PRDM16: variants seen among roughly 807,000 people sequenced by gnomAD.
PRDM16 encodes the protein histone-lysine N-methyltransferase PRDM16.
A neutral mutation model predicts 110.6 loss-of-function variants in PRDM16; 23 were observed. That is an observed-to-expected ratio of 0.21 (90% CI 0.15 to 0.29). The LOEUF is 0.29. PRDM16 is among the 10% of genes least tolerant of loss of function. The pLI is 1.00. For synonymous variants in PRDM16, 799 were observed against 781.8 expected (o/e 1.02, Z -0.37); for missense variants, 1,615 against 1,794.3 (o/e 0.90, Z 1.81).
chr1:3,428,573 C>T (rs567787334), intron 14 of PRDM16, among the ~76,000 whole-genome samples: 2 of 152,198 alleles, frequency 1.3e-5, no homozygotes. Flanking sequence ...AGAGCCCCTG[C>T]GTCACTGACG....
At chr1:3,337,117 CTGTG>C (rs1177471533) in intron 3 of PRDM16, among the ~76,000 whole-genome samples, 1 of 143,646 alleles carries the variant, frequency 7.0e-6, no homozygotes, top group South Asian at 2.3e-4. Flanking sequence ...GTGTGAGCCT[CTGTG>C]TGAATGCATG....
intron 3 of PRDM16, among the ~76,000 whole-genome samples, chr1:3,254,424 C>T (rs1004295088): frequency 7.9e-5 from 12 of 152,050 alleles, no homozygotes; most frequent in African/African-American, 2.7e-4. Flanking sequence ...TTGTCTCAGC[C>T]CAAAATCTCC....
intron 1 of PRDM16, among the ~76,000 whole-genome samples, chr1:3,073,033 C>T (rs1359724762): frequency 2.0e-5 from 3 of 152,252 alleles, no homozygotes; most frequent in Non-Finnish European, 4.4e-5. Flanking sequence ...GACGCCCACT[C>T]GGGGGGTCCT....
rs12061858 is a variant in PRDM16, at chr1:3,411,672, G to A, written c.1475G>A (p.Arg492Lys). ...SLGFNEYFPS[R>K]PHPGSLPFST... ...GGCTTCAACGAGTACTTTCCCTCCA[G>A]GCCGCACCCGGGGAGCCTGCCCTTC... Residue 492 changes from arginine to lysine, a missense_variant, in exon 9 of 17, where the codon AGG becomes AAG. Around this residue, in one of 5 missense-constraint regions of PRDM16, gnomAD observed 772 missense variants for 748.3 expected, o/e 1.03. Transcript: ENST00000270722. 6 of 1,611,988 alleles carry A rather than the reference G, an allele frequency of 3.7e-6. No individual in the cohort carries two copies. The African/African-American group carries it at 8.0e-5, about 22-fold the overall frequency.
intron 1 of PRDM16, among the ~76,000 whole-genome samples, chr1:3,183,072 G>A (rs991070299): frequency 5.9e-5 from 9 of 152,320 alleles, no homozygotes; most frequent in South Asian, 2.1e-4. Flanking sequence ...TCAATCACAC[G>A]CTGTTACCCA....
chr1:3,086,295 C>G (rs906081558), intron 1 of PRDM16, among the ~76,000 whole-genome samples: 22 of 152,094 alleles, frequency 1.4e-4, no homozygotes, highest in African/African-American at 5.3e-4. Flanking sequence ...GCACCTGCTG[C>G]GACCCCCAGG....
intron 3 of PRDM16, among the ~76,000 whole-genome samples, chr1:3,269,608 C>CGG (rs1640383174): frequency 1.3e-5 from 1 of 79,044 alleles, no homozygotes; most frequent in African/African-American, 1.4e-4. Context: ...AGGACAGTCC[C>CGG]AGAGGAGCAC....
At chr1:3,114,690 G>C (rs77089474) in intron 1 of PRDM16, among the ~76,000 whole-genome samples, 4,816 of 152,260 alleles carry the variant, frequency 0.032, 260 homozygotes, top group East Asian at 0.22. Context: ...ATGCACCCGG[G>C]TGCACACACA....
intron 3 of PRDM16, among the ~76,000 whole-genome samples, chr1:3,336,684 GTTT>G (rs1052122849): frequency 6.6e-6 from 1 of 150,644 alleles, no homozygotes; most frequent in Non-Finnish European, 1.5e-5. Context: ...ACACATATGT[GTTT>G]TTGTGAATCT....
intron 3 of PRDM16, among the ~76,000 whole-genome samples, chr1:3,261,447 C>T (rs572141654): frequency 2.6e-5 from 4 of 152,212 alleles, no homozygotes; most frequent in South Asian, 4.1e-4. Context: ...TCTGATAAGC[C>T]GCCAATTCAT....
At chr1:3,200,420 G>T (rs1638592070) in intron 2 of PRDM16, among the ~76,000 whole-genome samples, 1 of 152,290 alleles carries the variant, frequency 6.6e-6, no homozygotes, top group African/African-American at 2.4e-5. Context: ...TCCGCTCACT[G>T]CAAGCTCCGC....
intron 1 of PRDM16, among the ~76,000 whole-genome samples, chr1:3,121,164 G>A (rs555174607): frequency 6.6e-6 from 1 of 152,308 alleles, no homozygotes; most frequent in South Asian, 2.1e-4. Context: ...GGAGCCCGCA[G>A]GTCACAGGAT....
chr1:3,322,176 A>G (rs1393414261), intron 3 of PRDM16, among the ~76,000 whole-genome samples: 1 of 146,296 alleles, frequency 6.8e-6, no homozygotes, highest in Non-Finnish European at 1.5e-5. Context: ...TGTGCTGTGC[A>G]CACTGTGTGT....
At chr1:3,159,910 C>CT (rs1346399876) in intron 1 of PRDM16, among the ~76,000 whole-genome samples, 1 of 152,214 alleles carries the variant, frequency 6.6e-6, no homozygotes, top group Non-Finnish European at 1.5e-5. Flanking sequence ...TTCAGATCAA[C>CT]CACAAATACT....
intron 3 of PRDM16, among the ~76,000 whole-genome samples, chr1:3,335,916 A>G (rs1642136889): frequency 6.6e-6 from 1 of 152,234 alleles, no homozygotes; most frequent in Admixed American, 6.5e-5. Context: ...TGACCAGCCC[A>G]GCCCTGCTCG....
intron 4 of PRDM16, among the ~76,000 whole-genome samples, chr1:3,387,187 C>T (rs573763266): frequency 1.2e-4 from 19 of 152,226 alleles, no homozygotes; most frequent in East Asian, 9.7e-4. Context: ...TTTACCCCAC[C>T]GTCATCCCAC....
At chr1:3,145,213 T>A (rs371529548) in intron 1 of PRDM16, among the ~76,000 whole-genome samples, 28 of 152,276 alleles carry the variant, frequency 1.8e-4, no homozygotes, top group African/African-American at 6.3e-4. Flanking sequence ...GAGCTCCTGG[T>A]TGCTATCTAG....
chr1:3,299,368 T>G (rs570351832), intron 3 of PRDM16, among the ~76,000 whole-genome samples: 2 of 93,728 alleles, frequency 2.1e-5, no homozygotes, highest in South Asian at 7.5e-4. Flanking sequence ...GCTGTGATGT[T>G]TCAGATCCCA....
chr1:3,389,843 G>A lies in PRDM16; in HGVS notation c.573+4557G>A, dbSNP rs1287682650. On this transcript the variant is annotated intron_variant, in intron 4 of 16. Coordinates refer to ENST00000270722, the MANE Select transcript of PRDM16 (RefSeq NM_022114.4). ...GATTGCAAGGGAGATAGGGCTCTGA[G>A]GTGTCAGAAGTCGTCGTGGGGGACT... Among the ~76,000 whole-genome samples the A allele has an allele frequency of 3.3e-5, 5 of 152,278 alleles. No individual in the cohort carries two copies. The East Asian group carries it at 9.7e-4, about 30-fold the overall frequency.
Sources: gnomAD v4.1 joint callset for allele counts (sites outside exome capture counted in the v4.1 genomes callset) on GRCh38, gnomAD v4.1.1 for gene constraint, gnomAD v4.1.1 regional missense constraint, MANE v1.5 for transcripts, NCBI Gene and HGNC (gene_info 2026-07-23, HGNC 2026-07-21) for gene names.